Variants in TP63 observed in about 807,000 individuals in gnomAD.
TP63 encodes the protein tumor protein 63.
Under a neutral mutation model 82.8 loss-of-function variants are expected in TP63, and 17 were observed. The ratio of observed to expected loss-of-function variants is 0.21; its 90% CI spans 0.14 to 0.31. TP63 has a LOEUF of 0.31. TP63 is among the 10% of genes least tolerant of loss of function. The probability of loss-of-function intolerance (pLI) is 1.00; values close to 1 mark genes in which losing one functional copy is unlikely to be tolerated. For missense variants in TP63, 648 were observed against 895.3 expected, an observed-to-expected ratio of 0.72 and a Z score of 3.52; for synonymous variants, 330 against 321.7, an observed-to-expected ratio of 1.03 and a Z score of -0.28.
chr3:189,736,481 T>A (rs1414094530), intron 1 of TP63, among the ~76,000 whole-genome samples: 1 of 152,120 alleles, frequency 6.6e-6, no homozygotes, highest in Non-Finnish European at 1.5e-5. Context: ...TTTCCTTGAT[T>A]CTTCAAATAA....
chr3:189,649,679 G>T (rs1032028484), intron 1 of TP63, among the ~76,000 whole-genome samples: 2 of 146,782 alleles, frequency 1.4e-5, no homozygotes, highest in Admixed American at 1.3e-4. Flanking sequence ...ATCTAATAAG[G>T]CCTGTCAGAT....
chr3:189,635,237 T>C (rs1187423657), intron 1 of TP63, among the ~76,000 whole-genome samples: 1 of 152,140 alleles, frequency 6.6e-6, no homozygotes, highest in South Asian at 2.1e-4. Context: ...ATTACATATT[T>C]GTTATGATTT....
intron 1 of TP63, among the ~76,000 whole-genome samples, chr3:189,705,509 G>A (rs1260592479): frequency 6.6e-6 from 1 of 150,424 alleles, no homozygotes; most frequent in African/African-American, 2.5e-5. Flanking sequence ...GCCTGTGGTT[G>A]GTAATACCTA....
chr3:189,760,402 C>G (rs1722479432), intron 3 of TP63, among the ~76,000 whole-genome samples: 1 of 152,152 alleles, frequency 6.6e-6, no homozygotes, highest in Admixed American at 6.5e-5. Flanking sequence ...AGAAATTGGC[C>G]AAAACAAAGG....
chr3:189,741,693 A>G (rs1374794611), intron 3 of TP63, among the ~76,000 whole-genome samples: 2 of 152,232 alleles, frequency 1.3e-5, no homozygotes, highest in Non-Finnish European at 2.9e-5. Context: ...AATTTAACCC[A>G]GTTTTACTGA....
chr3:189,698,291 C>T (rs1177687767), intron 1 of TP63, among the ~76,000 whole-genome samples: 1 of 151,810 alleles, frequency 6.6e-6, no homozygotes, highest in Non-Finnish European at 1.5e-5. Context: ...TTAATAAGAT[C>T]CTATTTATCT....
chr3:189,693,538 A>G (rs1273835634), intron 1 of TP63, among the ~76,000 whole-genome samples: 2 of 152,234 alleles, frequency 1.3e-5, no homozygotes, highest in Non-Finnish European at 2.9e-5. Flanking sequence ...ATTATTCTAC[A>G]AATCATGGAG....
chr3:189,713,526 G>A (rs567310232), intron 1 of TP63, among the ~76,000 whole-genome samples: 56 of 152,258 alleles, frequency 3.7e-4, no homozygotes, highest in Non-Finnish European at 4.7e-4. Flanking sequence ...AACTGATCCA[G>A]TTTTAACTTC....
chr3:189,688,552 T>C (rs1716629264), intron 1 of TP63, among the ~76,000 whole-genome samples: 1 of 152,126 alleles, frequency 6.6e-6, no homozygotes, highest in South Asian at 2.1e-4. Flanking sequence ...ACCTATCGTC[T>C]CTCAAAATCC....
rs2108637691 is a variant in TP63 at position 189,808,374 on chromosome 3, G to A, written c.427G>A (p.Val143Ile). The change falls in exon 4 of 14, where the codon GTC becomes ATC. Residue 143 changes from valine to isoleucine, a missense_variant. Physicochemically the swap from Val to Ile is conservative, Grantham distance 29. Transcript: ENST00000264731. ...TAACACAGACCACGCGCAGAACAGCGTCACGGCGCCCTCGCCCTACGCACA... is the reference window on the plus strand; with the variant it reads ...TAACACAGACCACGCGCAGAACAGCATCACGGCGCCCTCGCCCTACGCACA... ...PYNTDHAQNS[V>I]TAPSPYAQPS... 2 of 1,614,156 alleles carry A rather than the reference G, an allele frequency of 1.2e-6. No homozygotes were observed. Among genetic ancestry groups the A allele is most frequent in the Non-Finnish European group, 1.7e-6 (2 of 1,180,038 alleles).
intron 4 of TP63, among the ~76,000 whole-genome samples, chr3:189,834,888 CTTTT>C (rs10641824): frequency 7.2e-6 from 1 of 138,746 alleles, no homozygotes; most frequent in Non-Finnish European, 1.5e-5. Flanking sequence ...GGTTTTTTTC[CTTTT>C]TTTTTTTTTG....
intron 4 of TP63, chr3:189,844,110 T>G (rs1345642559): frequency 6.7e-6 from 2 of 296,854 alleles, no homozygotes; most frequent in Non-Finnish European, 1.4e-5. Flanking sequence ...TCAGAACACA[T>G]TGACCTGATG....
intron 3 of TP63, among the ~76,000 whole-genome samples, chr3:189,779,148 A>G (rs1331784086): frequency 1.3e-5 from 2 of 152,218 alleles, no homozygotes; most frequent in Non-Finnish European, 2.9e-5. Context: ...TAAGCAACAT[A>G]TATATTAACA....
chr3:189,750,161 A>C (rs945019015), intron 3 of TP63, among the ~76,000 whole-genome samples: 3 of 151,122 alleles, frequency 2.0e-5, no homozygotes, highest in African/African-American at 7.3e-5. Context: ...AAATATTTTC[A>C]TTTGCAGCTA....
intron 1 of TP63, among the ~76,000 whole-genome samples, chr3:189,670,078 GA>G (rs1714760284): frequency 6.6e-6 from 1 of 151,788 alleles, no homozygotes; most frequent in African/African-American, 2.4e-5. Context: ...AATAATATTA[GA>G]AATAAAAATA....
intron 1 of TP63, among the ~76,000 whole-genome samples, chr3:189,640,572 G>C (rs932129354): frequency 1.3e-5 from 2 of 152,002 alleles, no homozygotes; most frequent in African/African-American, 2.4e-5. Context: ...TGAACAAAAG[G>C]CTTCAGTGAT....
chr3:189,670,316 T>C (rs193009012), intron 1 of TP63, among the ~76,000 whole-genome samples: 2 of 152,150 alleles, frequency 1.3e-5, no homozygotes, highest in South Asian at 2.1e-4. Context: ...ACCAACCAAC[T>C]TGAACCAATC....
intron 1 of TP63, among the ~76,000 whole-genome samples, chr3:189,678,465 A>G (rs898618499): frequency 6.6e-6 from 1 of 152,068 alleles, no homozygotes; most frequent in Non-Finnish European, 1.5e-5. Flanking sequence ...TACCAGTACC[A>G]TGCTGTTTTG....
At chr3:189,702,174 T>G (rs73892310) in intron 1 of TP63, among the ~76,000 whole-genome samples, 1 of 152,128 alleles carries the variant, frequency 6.6e-6, no homozygotes, top group Non-Finnish European at 1.5e-5. Flanking sequence ...TTACTGAGCT[T>G]CTCTAGTGGG....
Sources: gnomAD v4.1 joint callset for allele counts (sites outside exome capture counted in the v4.1 genomes callset) on GRCh38, gnomAD v4.1.1 for gene constraint, MANE v1.5 for transcripts, NCBI Gene and HGNC (gene_info 2026-07-23, HGNC 2026-07-21) for gene names.